The following RFC1 variants were observed in gnomAD, a reference collection of about 807,000 sequenced individuals.
The protein encoded by RFC1 is A1 140 kDa subunit.
Under a neutral mutation model 137.4 loss-of-function variants are expected in RFC1, and 37 were observed. The observed-to-expected ratio is 0.27, with a 90% CI of 0.21 to 0.35. The LOEUF (loss-of-function observed/expected upper bound fraction) is 0.35. Among genes scored for constraint, RFC1 ranks in the 10% least tolerant of loss-of-function variants. RFC1 has a pLI of 1.00. For synonymous variants in RFC1, 429 were observed against 455.7 expected, an observed-to-expected ratio of 0.94 and a Z score of 0.75; for missense variants, 1,205 against 1,358.5, an observed-to-expected ratio of 0.89 and a Z score of 1.78.
intron 4 of RFC1, among the ~76,000 whole-genome samples, chr4:39,328,895 G>T (rs1739926320): frequency 6.6e-6 from 1 of 151,928 alleles, no homozygotes; most frequent in Non-Finnish European, 1.5e-5. Context: ...TATTTGCAGA[G>T]GTAGTAAGTT....
At position 39,351,468 on chromosome 4, in the gene RFC1, C is replaced by T; in HGVS notation, c.12G>A (p.Arg4=). ...CACTTGGTATTACTCCAAAGAATTTCCGAATGTCCTAAAAGCAAAAAACAG... is the reference window on the plus strand; with the variant it reads ...CACTTGGTATTACTCCAAAGAATTTTCGAATGTCCTAAAAGCAAAAAACAG... MDI[R]KFFGVIPSGK... Residue 4 remains arginine (R), a synonymous_variant, in exon 2 of 25, where the codon CGG becomes CGA. Transcript: ENST00000349703. 6.4e-7 allele frequency: 1 copy of T among 1,551,972 alleles called. No individual in the cohort carries two copies. Among genetic ancestry groups the T allele is most frequent in the East Asian group, 2.3e-5 (1 of 43,004 alleles).
At chr4:39,300,460 A>G in intron 19 of RFC1, 46 bp from the exon 20 acceptor site, 1 of 1,402,686 alleles carries the variant, frequency 7.1e-7, no homozygotes, top group South Asian at 1.2e-5. Flanking sequence ...CAAAATTCAA[A>G]ACGGTAACAT....
chr4:39,301,861 A>C (rs916457900), intron 19 of RFC1, among the ~76,000 whole-genome samples: 9 of 152,186 alleles, frequency 5.9e-5, no homozygotes, highest in Non-Finnish European at 1.2e-4. Flanking sequence ...TCTAACTATA[A>C]ATTCTGATTA....
intron 24 of RFC1, 64 bp from the exon 25 acceptor site, chr4:39,288,908 T>C (rs1737515246): frequency 9.9e-7 from 1 of 1,005,882 alleles, no homozygotes; most frequent in Admixed American, 2.1e-5. Flanking sequence ...AATAAGTTCA[T>C]CTCTATAACA....
At chr4:39,328,082 G>A (rs1739873385) in intron 4 of RFC1, among the ~76,000 whole-genome samples, 1 of 152,150 alleles carries the variant, frequency 6.6e-6, no homozygotes, top group Non-Finnish European at 1.5e-5. Flanking sequence ...GCAGTTAGCT[G>A]TGATTGCACC....
chr4:39,327,535 T>C lies in RFC1; in HGVS notation c.553A>G (p.Lys185Glu), dbSNP rs1739835047. ...QRSNKKMVASKRKELSQNTDE... is the reference protein window; with the variant it reads ...QRSNKKMVASERKELSQNTDE... ...TGTAGAACACTTACCTCTTTTCTTT[T>C]GCTTGCCACCATCTTCTTATTAGAT... Residue 185 changes from lysine to glutamate, a missense_variant, in exon 5 of 25, where the codon AAA becomes GAA. Physicochemically the swap from Lys to Glu is moderately conservative, Grantham distance 56. Transcript: ENST00000349703. 12 of 1,608,404 alleles carry C rather than the reference T, an allele frequency of 7.5e-6. No homozygotes were observed. The highest frequency in any genetic ancestry group is 1.0e-5 in the Non-Finnish European group (12 of 1,178,036).
At chr4:39,315,738 T>A (rs909430030) in intron 10 of RFC1, among the ~76,000 whole-genome samples, 1 of 152,202 alleles carries the variant, frequency 6.6e-6, no homozygotes, top group Non-Finnish European at 1.5e-5. Flanking sequence ...CCAAGTCCCA[T>A]AGATTTTGCC....
At chr4:39,329,943 G>C (rs1166728351) in intron 4 of RFC1, among the ~76,000 whole-genome samples, 3 of 152,030 alleles carry the variant, frequency 2.0e-5, no homozygotes, top group South Asian at 2.1e-4. Flanking sequence ...GCTGAGGCAG[G>C]AGAATCACTT....
At chr4:39,316,840 A>T (rs1046925710) in intron 10 of RFC1, 75 bp downstream of exon 10, 3 of 831,064 alleles carry the variant, frequency 3.6e-6, no homozygotes, top group Non-Finnish European at 6.0e-6. Context: ...CTGCTGCTAT[A>T]ATCATCGTGA....
intron 14 of RFC1, among the ~76,000 whole-genome samples, chr4:39,306,292 T>C (rs1362501893): frequency 6.6e-6 from 1 of 152,228 alleles, no homozygotes; most frequent in African/African-American, 2.4e-5. Context: ...TTTGCATCTT[T>C]CAGAGTCTAG....
intron 1 of RFC1, among the ~76,000 whole-genome samples, chr4:39,360,093 G>A (rs905165063): frequency 2.0e-5 from 3 of 152,156 alleles, no homozygotes; most frequent in Non-Finnish European, 2.9e-5. Context: ...TTGGCCGGGT[G>A]CAGTGGCTGA....
In RFC1 at chr4:39,308,675, G is replaced by A. The variant is rs1738809513; in HGVS notation, c.1846C>T (p.Arg616Ter). Residue 616 changes from arginine (R) to a stop codon, truncating the protein, a stop_gained, in exon 13 of 25, where the codon CGA becomes TGA. Transcript: ENST00000349703. LOFTEE classifies it high-confidence loss of function. The stretch of plus-strand genomic sequence containing the variant: ...TCGGAAGAACTCTTTTGCCAGTTTC[G>A]GAGCCAGCGTAGGAGTTTGTTGGCA... The part of the protein sequence containing the change: ...SCANKLLRWL[R>*]NWQKSSSEDK... 1.9e-6 allele frequency: 3 copies of A among 1,611,866 alleles called. No individual in the cohort carries two copies. The highest frequency in any genetic ancestry group is 1.7e-6 in the Non-Finnish European group (2 of 1,179,260).
intron 4 of RFC1, among the ~76,000 whole-genome samples, chr4:39,340,534 G>A (rs1740561593): frequency 6.6e-6 from 1 of 152,052 alleles, no homozygotes; most frequent in Non-Finnish European, 1.5e-5. Flanking sequence ...TGAAAAGTAT[G>A]GTTTTAGCCT....
intron 4 of RFC1, among the ~76,000 whole-genome samples, chr4:39,338,243 AG>A (rs1740452092): frequency 6.6e-6 from 1 of 152,220 alleles, no homozygotes; most frequent in Non-Finnish European, 1.5e-5. Context: ...AAATCCTAGT[AG>A]AAGACAGATC....
chr4:39,300,185 G>A lies in RFC1; in HGVS notation c.2691-47C>T, dbSNP rs756696383. On this transcript the variant is annotated intron_variant, in intron 20 of 24. Transcript: ENST00000349703. ...GATTATCCCACTCTCCACACCCCAG[G>A]TCCCTTCTTCACGGGTATTTAGCCT... 3.7e-6 allele frequency: 6 copies of A among 1,608,426 alleles called. No homozygotes were observed. In the African/African-American group the frequency reaches 8.0e-5, roughly 22 times the overall value.
At chr4:39,348,966 C>T (rs1041282202) in intron 2 of RFC1, among the ~76,000 whole-genome samples, 2 of 152,218 alleles carry the variant, frequency 1.3e-5, no homozygotes, top group Admixed American at 1.3e-4. Context: ...TCCCTCCCTT[C>T]TGATTTCTCC....
chr4:39,306,804 C>T (rs962542407), intron 13 of RFC1, 103 bp from the exon 14 acceptor site: 10 of 690,632 alleles, frequency 1.4e-5, no homozygotes, highest in Non-Finnish European at 2.1e-5. Flanking sequence ...GACAGCTGTC[C>T]TCCAGTTTAG....
chr4:39,358,524 C>T (rs1289451903), intron 1 of RFC1, among the ~76,000 whole-genome samples: 3 of 152,088 alleles, frequency 2.0e-5, no homozygotes, highest in Non-Finnish European at 2.9e-5. Flanking sequence ...GTGAGCCACG[C>T]GCTATATGGC....
At chr4:39,326,347 A>G (rs1275817668) in intron 6 of RFC1, among the ~76,000 whole-genome samples, 1 of 152,204 alleles carries the variant, frequency 6.6e-6, no homozygotes, top group Admixed American at 6.6e-5. Flanking sequence ...AAATCATCTC[A>G]CAGCACTTGA....
Sources: gnomAD v4.1 joint callset for allele counts (sites outside exome capture counted in the v4.1 genomes callset) on GRCh38, gnomAD v4.1.1 for gene constraint, MANE v1.5 for transcripts, NCBI Gene and HGNC (gene_info 2026-07-23, HGNC 2026-07-21) for gene names.